MRTFB: variants seen among roughly 807,000 people sequenced by gnomAD.
MRTFB encodes myocardin related transcription factor B, also known as myocardin-related transcription factor B.
A neutral mutation model predicts 104.2 loss-of-function variants in MRTFB; 29 were observed. The ratio of observed to expected loss-of-function variants is 0.28; its 90% CI spans 0.21 to 0.38. The LOEUF (loss-of-function observed/expected upper bound fraction) is 0.38. Among genes scored for constraint, MRTFB ranks in the 10% least tolerant of loss-of-function variants. MRTFB has a pLI of 1.00. For missense variants in MRTFB, 1,270 were observed against 1,341.6 expected (o/e 0.95, Z 0.83); for synonymous variants, 535 against 519.5 (o/e 1.03, Z -0.41).
chr16:14,099,130 G>T (rs1231102431), intron 2 of MRTFB, among the ~76,000 whole-genome samples: 2 of 152,110 alleles, frequency 1.3e-5, no homozygotes, highest in Non-Finnish European at 2.9e-5. Flanking sequence ...TGGGATTTTT[G>T]ACTGAGATAT....
At chr16:14,207,573 A>G (rs759842116) in intron 3 of MRTFB, among the ~76,000 whole-genome samples, 51 of 152,092 alleles carry the variant, frequency 3.4e-4, no homozygotes, top group Admixed American at 1.5e-3. Flanking sequence ...TTTGTATGCT[A>G]CTGAGATGAC....
intron 8 of MRTFB, among the ~76,000 whole-genome samples, chr16:14,227,330 G>A (rs758410305): frequency 1.1e-4 from 16 of 150,526 alleles, no homozygotes; most frequent in South Asian, 4.2e-4. Flanking sequence ...GCCCCTCCCC[G>A]CTCTCTCTTG....
At chr16:14,012,295 C>CTTTGT in the MRTFB span, among the ~76,000 whole-genome samples, 1 of 107,922 alleles carries the variant, frequency 9.3e-6, no homozygotes, top group Non-Finnish European at 1.8e-5. Flanking sequence ...CTTTTTCTTT[C>CTTTGT]TTTCTTTTTT....
At chr16:14,121,202 G>T (rs1175979642) in intron 2 of MRTFB, among the ~76,000 whole-genome samples, 1 of 136,190 alleles carries the variant, frequency 7.3e-6, no homozygotes. Context: ...AGTTAATATG[G>T]CTTTTTTTTT....
the MRTFB span, among the ~76,000 whole-genome samples, chr16:14,046,240 C>T: frequency 2.6e-5 from 4 of 152,054 alleles, no homozygotes; most frequent in Admixed American, 6.6e-5. Context: ...ATGGGAGGAA[C>T]GCTTGAGCCC....
chr16:14,021,722 A>C, the MRTFB span, among the ~76,000 whole-genome samples: 3 of 152,140 alleles, frequency 2.0e-5, no homozygotes, highest in African/African-American at 7.2e-5. Flanking sequence ...ATAGTCTCCA[A>C]TCCCATCCAG....
intron 13 of MRTFB, among the ~76,000 whole-genome samples, chr16:14,250,804 G>A (rs556532787): frequency 6.6e-6 from 1 of 152,208 alleles, no homozygotes; most frequent in Non-Finnish European, 1.5e-5. Flanking sequence ...AGAGAGCAGA[G>A]GCAGATTCAA....
the MRTFB span, among the ~76,000 whole-genome samples, chr16:14,029,413 A>T: frequency 1.4e-5 from 1 of 70,780 alleles, no homozygotes; most frequent in Non-Finnish European, 3.3e-5. Flanking sequence ...CTTAAAAAAA[A>T]AAAAAAATAT....
chr16:14,111,966 T>C (rs2036292315), intron 2 of MRTFB, among the ~76,000 whole-genome samples: 1 of 152,162 alleles, frequency 6.6e-6, no homozygotes, highest in Non-Finnish European at 1.5e-5. Flanking sequence ...TCCAGGGCGC[T>C]CCTTCTTACT....
the MRTFB span, among the ~76,000 whole-genome samples, chr16:14,058,160 G>T: frequency 1.5e-4 from 23 of 152,150 alleles, 1 homozygote; most frequent in Non-Finnish European, 2.9e-5. Context: ...GCTTCCCGGG[G>T]GTGCCAGGAG....
the MRTFB span, among the ~76,000 whole-genome samples, chr16:14,038,779 A>G: frequency 6.6e-6 from 1 of 152,202 alleles, no homozygotes; most frequent in Non-Finnish European, 1.5e-5. Flanking sequence ...CAGTTCTAAC[A>G]CTGCTGATAA....
intron 4 of MRTFB, among the ~76,000 whole-genome samples, chr16:14,210,741 A>G (rs1337262259): frequency 1.3e-5 from 2 of 152,242 alleles, no homozygotes; most frequent in African/African-American, 2.4e-5. Flanking sequence ...TGATCTGTGT[A>G]CAGTAATTAA....
chr16:14,087,288 A>G (rs778895313), intron 2 of MRTFB, among the ~76,000 whole-genome samples: 1 of 152,192 alleles, frequency 6.6e-6, no homozygotes, highest in Non-Finnish European at 1.5e-5. Flanking sequence ...CTCAATAGTC[A>G]GTGAAACTCT....
chr16:14,187,311 A>C (rs992107253), intron 3 of MRTFB, among the ~76,000 whole-genome samples: 8 of 152,086 alleles, frequency 5.3e-5, no homozygotes, highest in Non-Finnish European at 1.2e-4. Context: ...TCCCAGGTTC[A>C]TTTTGTATAT....
chr16:14,001,078 T>C, the MRTFB span, among the ~76,000 whole-genome samples: 2 of 152,238 alleles, frequency 1.3e-5, no homozygotes, highest in African/African-American at 4.8e-5. Flanking sequence ...CCCTCACCCA[T>C]GTCCGCAGTA....
Position 14,088,471 on chromosome 16 carries a change from T to G in MRTFB, c.-64+9117T>G, listed in dbSNP as rs1046728440. 5.3e-5 allele frequency among the ~76,000 whole-genome samples: 8 copies of G among 152,264 alleles called. No individual in the cohort carries two copies. In the South Asian group the frequency reaches 1.5e-3, roughly 28 times the overall value. The stretch of plus-strand genomic sequence containing the variant: ...TTCCCTCGGACAGGGAAAGGTGGTG[T>G]TAGAATGCTCGAAAGTTCTTAGAAT... On this transcript the variant is annotated intron_variant, in intron 2 of 16. Coordinates refer to ENST00000571589, the MANE Select transcript of MRTFB (RefSeq NM_001308142.2).
At chr16:14,044,804 G>A in the MRTFB span, among the ~76,000 whole-genome samples, 5 of 152,164 alleles carry the variant, frequency 3.3e-5, no homozygotes, top group Non-Finnish European at 7.4e-5. Context: ...ATATATAGAA[G>A]AGAACCCAAT....
chr16:14,035,511 A>C, the MRTFB span, among the ~76,000 whole-genome samples: 4 of 152,190 alleles, frequency 2.6e-5, no homozygotes, highest in African/African-American at 7.2e-5. Flanking sequence ...GACCAATAAA[A>C]ATATGAAAAC....
At chr16:13,995,764 G>A in the MRTFB span, among the ~76,000 whole-genome samples, 1 of 152,042 alleles carries the variant, frequency 6.6e-6, no homozygotes, top group African/African-American at 2.4e-5. Context: ...AGTGAAGGGG[G>A]AAGTGCCATG....
Sources: allele counts gnomAD v4.1 joint callset (sites outside exome capture counted in the v4.1 genomes callset), GRCh38; gene constraint gnomAD v4.1.1; transcripts MANE v1.5; gene names NCBI Gene and HGNC (gene_info 2026-07-23, HGNC 2026-07-21).